The following RERGL variants were observed in gnomAD, a reference collection of about 807,000 sequenced individuals.
RERGL encodes ras-related and estrogen-regulated growth inhibitor-like protein.
A neutral mutation model predicts 24.7 loss-of-function variants in RERGL; 22 were observed. The observed-to-expected ratio is 0.89, with a 90% CI of 0.64 to 1.27. The LOEUF (loss-of-function observed/expected upper bound fraction) is 1.27, where lower values mean the gene tolerates loss of function less well. RERGL is among the 50% of genes most tolerant of loss of function. The probability of loss-of-function intolerance (pLI) is 0.00; values close to 1 mark genes in which losing one functional copy is unlikely to be tolerated. For synonymous variants in RERGL, 76 were observed against 82.6 expected (o/e 0.92, Z 0.43); for missense variants, 259 against 235.3 (o/e 1.10, Z -0.66).
rs369166735 is a variant in RERGL, at chr12:18,088,892, T to G, written c.109+8A>C. ...TTTAAGGTAAAAATGTCTAGAGTAG[T>G]GACTTACCAAAATTAGAAGCATATT... On this transcript the variant is annotated splice_region_variant and intron_variant, in intron 2 of 4. Coordinates refer to ENST00000538724, the MANE Select transcript of RERGL (RefSeq NM_001286201.2). 650 of 1,573,620 alleles carry G rather than the reference T, an allele frequency of 4.1e-4. 1 individual carries two copies. Among genetic ancestry groups the G allele is most frequent in the Middle Eastern group, 2.8e-3 (17 of 5,978 alleles).
At chr12:18,087,789 G>A (rs1368388944) in intron 2 of RERGL, among the ~76,000 whole-genome samples, 2 of 152,046 alleles carry the variant, frequency 1.3e-5, no homozygotes, top group African/African-American at 2.4e-5. Context: ...TCTCATGCCC[G>A]AGTCCTAACT....
At chr12:18,083,459 T>C (rs1947191577) in intron 4 of RERGL, among the ~76,000 whole-genome samples, 1 of 152,064 alleles carries the variant, frequency 6.6e-6, no homozygotes, top group South Asian at 2.1e-4. Flanking sequence ...ATTGAAACAA[T>C]GGAGTTCTAA....
chr12:18,087,139 C>T (rs1947228414), intron 2 of RERGL, among the ~76,000 whole-genome samples: 1 of 152,114 alleles, frequency 6.6e-6, no homozygotes, highest in Non-Finnish European at 1.5e-5. Context: ...TATCACAAAG[C>T]CTCCTAAGTC....
rs1244855157 is a variant in RERGL at position 18,090,121 on chromosome 12, G to A, written c.20C>T (p.Ala7Val). The A allele has an allele frequency of 1.3e-6, 2 of 1,532,768 alleles. No homozygotes were observed. Among genetic ancestry groups the A allele is most frequent in the Non-Finnish European group, 1.7e-6 (2 of 1,145,432 alleles). 94.9% of individuals were successfully genotyped at this position (1,532,768 alleles called of 1,614,324 possible). MNDVKL[A>V]VLGGEGTGKS... ...GCCTGTTCCTTCACCACCCAAGACAGCAAGCTTCACATCATTCATCTTGCT... is the reference window on the plus strand; with the variant it reads ...GCCTGTTCCTTCACCACCCAAGACAACAAGCTTCACATCATTCATCTTGCT... Residue 7 changes from alanine to valine, a missense_variant, in exon 1 of 5, where the codon GCT (alanine) becomes GTT (valine). Ala to Val is a moderately conservative substitution (Grantham distance 64). Coordinates refer to ENST00000538724, the MANE Select transcript of RERGL (RefSeq NM_001286201.2).
At chr12:18,083,957 T>A (rs1947195411) in intron 4 of RERGL, among the ~76,000 whole-genome samples, 1 of 152,200 alleles carries the variant, frequency 6.6e-6, no homozygotes, top group East Asian at 1.9e-4. Context: ...GGTACAATCA[T>A]GTCTTCCTTC....
rs1332593156 is a variant in RERGL at position 18,088,947 on chromosome 12, A to G, written c.62T>C (p.Val21Ala). 1 of 1,610,224 alleles carries G rather than the reference A, an allele frequency of 6.2e-7. No homozygotes were observed. Among genetic ancestry groups the G allele is most frequent in the African/African-American group, 1.3e-5 (1 of 74,968 alleles). The change falls in exon 2 of 5, where the codon GTG becomes GCG. Residue 21 changes from valine (V) to alanine (A), a missense_variant. Physicochemically the swap from Val to Ala is moderately conservative, Grantham distance 64. Transcript: ENST00000538724. ...AATGAATCGCTTAGTAAGAAACCTC[A>G]CTGTAAGGGCTGCAAAGCAAACAAT... ...GEGTGKSALTVRFLTKRFIGE... is the reference protein window; with the variant it reads ...GEGTGKSALTARFLTKRFIGE...
intron 1 of RERGL, 181 bp from the exon 2 acceptor site, chr12:18,089,137 T>G (rs1947246548): frequency 8.4e-7 from 1 of 1,195,478 alleles, no homozygotes; most frequent in African/African-American, 1.5e-5. Flanking sequence ...AAACAAATGA[T>G]TAGAAAGTTA....
At chr12:18,088,318 T>G (rs11043845) in intron 2 of RERGL, among the ~76,000 whole-genome samples, 37,162 of 151,932 alleles carry the variant, frequency 0.24, 5,485 homozygotes, top group East Asian at 0.56. Flanking sequence ...TTCCCATATA[T>G]TATGCTAATT....
chr12:18,081,398 T>G lies in RERGL; in HGVS notation c.408A>C (p.Glu136Asp), dbSNP rs11558087. Residue 136 changes from glutamate to aspartate, a missense_variant, in exon 5 of 5, where the codon GAA becomes GAC. Transcript: ENST00000538724. The part of the protein sequence containing the change: ...LCHVREVGWE[E>D]GQKLALENRC... ...GGTTTTCCAGTGCCAGCTTTTGCCC[T>G]TCTTCCCAGCCAACCTCTCGCACAT... is the stretch of plus-strand genomic sequence containing the variant. The G allele has an allele frequency of 1.2e-6, 2 of 1,613,988 alleles. No homozygotes were observed. The highest frequency in any genetic ancestry group is 1.7e-6 in the Non-Finnish European group (2 of 1,180,000).
At position 18,085,559 on chromosome 12, in the gene RERGL, A is replaced by G. The variant is rs374774741; in HGVS notation, c.183+61T>C. 244 of 1,174,840 alleles carry G rather than the reference A, an allele frequency of 2.1e-4. 4 individuals carry two copies. The South Asian group carries it at 3.2e-3, about 15-fold the overall frequency. The allele number at this position is 1,174,840 out of a possible 1,614,324, so 72.8% of individuals were successfully genotyped here. On this transcript the variant is annotated intron_variant, in intron 3 of 4. Coordinates refer to ENST00000538724, the MANE Select transcript of RERGL (RefSeq NM_001286201.2). ...CTTACCCCCATATAATCTTCAAATC[A>G]TAATTGCTAAAAAATCAATCAATAA...
At chr12:18,084,231 T>C (rs950584516) in intron 4 of RERGL, among the ~76,000 whole-genome samples, 2 of 152,192 alleles carry the variant, frequency 1.3e-5, no homozygotes, top group African/African-American at 4.8e-5. Flanking sequence ...CTATCTTATA[T>C]ACAAAGGACC....
At chr12:18,086,615 T>G (rs1947224754) in intron 2 of RERGL, among the ~76,000 whole-genome samples, 1 of 152,162 alleles carries the variant, frequency 6.6e-6, no homozygotes, top group Non-Finnish European at 1.5e-5. Flanking sequence ...TTGCTCCGTC[T>G]TAATCTTTTT....
intron 4 of RERGL, among the ~76,000 whole-genome samples, chr12:18,082,524 G>T (rs1950403081): frequency 6.6e-6 from 1 of 152,114 alleles, no homozygotes; most frequent in South Asian, 2.1e-4. Context: ...TCCTCACACA[G>T]AATTCTCACA....
intron 2 of RERGL, among the ~76,000 whole-genome samples, chr12:18,086,499 G>T (rs879517484): frequency 6.6e-6 from 1 of 151,990 alleles, no homozygotes. Flanking sequence ...CGCCTTATTG[G>T]TAGCATTAAT....
intron 2 of RERGL, 106 bp downstream of exon 2, chr12:18,088,794 A>G: frequency 1.3e-6 from 1 of 765,346 alleles, no homozygotes; most frequent in East Asian, 2.5e-5. Context: ...ATTGTTTCAT[A>G]TGCATAAAAA....
chr12:18,087,479 T>G (rs996809118), intron 2 of RERGL, among the ~76,000 whole-genome samples: 1 of 152,152 alleles, frequency 6.6e-6, no homozygotes, highest in African/African-American at 2.4e-5. Flanking sequence ...TGCCAGCAAG[T>G]GTCATCAATT....
chr12:18,089,941 T>C (rs1947254488), intron 1 of RERGL, 148 bp downstream of exon 1: 1 of 518,028 alleles, frequency 1.9e-6, no homozygotes, highest in Non-Finnish European at 3.1e-6. Flanking sequence ...TGAAAGATAA[T>C]GTGCCTATCA....
At position 18,081,059 on chromosome 12, in the gene RERGL, C is replaced by G; in HGVS notation, c.*132G>C. On this transcript the variant is annotated 3_prime_UTR_variant, in exon 5 of 5. Transcript: ENST00000538724. ...CATATTTGAAAACACAGCTGTGGTT[C>G]ATACTCAATCATTTCATATCTCCAA... 1 of 801,522 alleles carries G rather than the reference C, an allele frequency of 1.2e-6. No individual in the cohort carries two copies. The highest frequency in any genetic ancestry group is 1.9e-6 in the Non-Finnish European group (1 of 524,320). The allele number at this position is 801,522 out of a possible 1,614,324, so 49.7% of individuals were successfully genotyped here.
intron 2 of RERGL, among the ~76,000 whole-genome samples, chr12:18,086,697 T>G (rs1382796417): frequency 6.6e-6 from 1 of 152,300 alleles, no homozygotes; most frequent in Admixed American, 6.5e-5. Context: ...GTTTCTTCTC[T>G]TCTTACATTC....
Sources: gnomAD v4.1 joint callset for allele counts (sites outside exome capture counted in the v4.1 genomes callset) on GRCh38, gnomAD v4.1.1 for gene constraint, MANE v1.5 for transcripts, NCBI Gene and HGNC (gene_info 2026-07-23, HGNC 2026-07-21) for gene names.